IGSF22: variants seen among roughly 807,000 people sequenced by gnomAD.
IGSF22 encodes the protein immunoglobulin superfamily member 22, also known as immunoglobulin superfamily, member 22.
A neutral mutation model predicts 127.0 loss-of-function variants in IGSF22; 119 were observed. That is an observed-to-expected ratio of 0.94 (90% CI 0.81 to 1.09). The LOEUF (loss-of-function observed/expected upper bound fraction) is 1.09, where lower values mean the gene tolerates loss of function less well. IGSF22 is among the 50% of genes least tolerant of loss of function. IGSF22 has a pLI of 0.00. For missense variants in IGSF22, 1,518 were observed against 1,716.6 expected, an observed-to-expected ratio of 0.88 and a Z score of 2.04; for synonymous variants, 568 against 664.7, an observed-to-expected ratio of 0.85 and a Z score of 2.24.
At chr11:18,705,661 A>G in intron 22 of IGSF22, 156 bp downstream of exon 22, 1 of 639,694 alleles carries the variant, frequency 1.6e-6, no homozygotes, top group East Asian at 2.7e-5. Flanking sequence ...AAAGGATGGG[A>G]GAGTGGTAAG....
intron 10 of IGSF22, 42 bp from the exon 11 acceptor site, chr11:18,715,758 C>G (rs776136715): frequency 9.5e-6 from 15 of 1,572,940 alleles, no homozygotes; most frequent in Admixed American, 1.7e-5. Context: ...CAAACCACGA[C>G]ATCTTTTTTC....
intron 15 of IGSF22, 78 bp downstream of exon 15, chr11:18,712,004 G>T: frequency 8.2e-7 from 1 of 1,222,534 alleles, no homozygotes; most frequent in Non-Finnish European, 1.1e-6. Flanking sequence ...ATTCCCCACA[G>T]ATCAGTGTTC....
At chr11:18,721,427 C>T (rs2134168924) in intron 4 of IGSF22, 108 bp downstream of exon 4, 1 of 1,461,302 alleles carries the variant, frequency 6.8e-7, no homozygotes, top group Non-Finnish European at 9.5e-7. Context: ...CACTGCCCGG[C>T]TCTCGGGCCG....
intron 6 of IGSF22, 71 bp downstream of exon 6, chr11:18,719,993 G>C (rs745455453): frequency 1.8e-5 from 29 of 1,608,818 alleles, no homozygotes; most frequent in Non-Finnish European, 2.4e-5. Context: ...GGGCCTTGTT[G>C]AGAGGCCTTT....
In IGSF22 at chr11:18,718,854, C is replaced by A. The variant is rs1006047018; in HGVS notation, c.697-126G>T. On this transcript the variant is annotated intron_variant, in intron 7 of 22. Transcript: ENST00000513874. ...AATGACTAGGCTCATTAGATAACAACGTGCAGTGCTCCAGTGATCAACTGA... is the reference window on the plus strand; with the variant it reads ...AATGACTAGGCTCATTAGATAACAAAGTGCAGTGCTCCAGTGATCAACTGA... 5 of 658,584 alleles carry A rather than the reference C, an allele frequency of 7.6e-6. No individual in the cohort carries two copies. In the Admixed American group the frequency reaches 7.7e-5, roughly 10 times the overall value. 40.8% of individuals were successfully genotyped at this position (658,584 alleles called of 1,614,324 possible).
chr11:18,725,039 C>T (rs1256156879), intron 1 of IGSF22, among the ~76,000 whole-genome samples: 1 of 151,914 alleles, frequency 6.6e-6, no homozygotes, highest in East Asian at 1.9e-4. Context: ...CATAAGGTAG[C>T]CCATTATACA....
At chr11:18,717,102 G>A in intron 9 of IGSF22, 102 bp from the exon 10 acceptor site, 2 of 1,337,818 alleles carry the variant, frequency 1.5e-6, no homozygotes, top group Non-Finnish European at 1.0e-6. Context: ...GTAGCCCATG[G>A]CTGGGGGAAA....
Position 18,717,928 on chromosome 11 carries a change from T to TA in IGSF22, c.973+2dup, listed in dbSNP as rs758697493. 6.2e-7 allele frequency: 1 copy of TA among 1,612,952 alleles called. No individual in the cohort carries two copies. The highest frequency in any genetic ancestry group is 1.3e-5 in the African/African-American group (1 of 75,038). On this transcript the variant is annotated splice_region_variant and intron_variant, in intron 9 of 22. Coordinates refer to ENST00000513874, the MANE Select transcript of IGSF22 (RefSeq NM_173588.4). ...TTGTGCCCTTGCATGCCCCCACTCA[T>TA]ACCCAGCACTGTGAGCTCTGCACTC...
chr11:18,722,178 A>T (rs188095365), intron 2 of IGSF22, 137 bp from the exon 3 acceptor site: 1 of 987,754 alleles, frequency 1.0e-6, no homozygotes, highest in South Asian at 1.5e-5. Flanking sequence ...GACCAGCTAC[A>T]TGGGGAGAAA....
Position 18,706,956 on chromosome 11 carries a change from G to A in IGSF22, c.3538C>T (p.Pro1180Ser), listed in dbSNP as rs1848248015. ...AGCCAGGTGTCCCTGGAGTCAAGTG[G>A]CTCACTGTCACCGATTTCATTCCGA... ...VARNEIGDSE[P>S]LDSRDTWLIN... Residue 1180 changes from proline (P) to serine (S), a missense_variant, in exon 21 of 23, where the codon CCA becomes TCA. This residue lies in a region of IGSF22 where 1,456 missense variants were observed against 1,644.9 expected (regional missense o/e 0.89). Transcript: ENST00000513874. The A allele has an allele frequency of 1.3e-6, 2 of 1,533,500 alleles. No individual in the cohort carries two copies. The highest frequency in any genetic ancestry group is 1.4e-5 in the African/African-American group (1 of 72,904). 95.0% of individuals were successfully genotyped at this position (1,533,500 alleles called of 1,614,324 possible).
At chr11:18,717,825 A>C in intron 9 of IGSF22, 106 bp downstream of exon 9, 1 of 1,250,884 alleles carries the variant, frequency 8.0e-7, no homozygotes, top group Non-Finnish European at 1.1e-6. Context: ...TTTCTTGCAC[A>C]GTCCCATAGT....
chr11:18,717,662 T>A (rs1175543713), intron 9 of IGSF22, among the ~76,000 whole-genome samples: 2 of 152,128 alleles, frequency 1.3e-5, no homozygotes, highest in Admixed American at 1.3e-4. Context: ...CCTCCCAAAG[T>A]GCTGGGATTA....
intron 18 of IGSF22, 87 bp from the exon 19 acceptor site, chr11:18,708,382 C>T: frequency 9.7e-7 from 1 of 1,033,448 alleles, no homozygotes; most frequent in Non-Finnish European, 1.4e-6. Flanking sequence ...CCTTCCCAAC[C>T]TCTCCTCCTT....
At chr11:18,724,029 AGG>A in intron 2 of IGSF22, 97 bp downstream of exon 2, 1 of 844,480 alleles carries the variant, frequency 1.2e-6, no homozygotes, top group Non-Finnish European at 2.0e-6. Context: ...TGGGCTCCAG[AGG>A]GGCCCATTAG....
At chr11:18,713,701 CG>C (rs1238048284) in intron 14 of IGSF22, 150 bp downstream of exon 14, 2 of 648,998 alleles carry the variant, frequency 3.1e-6, no homozygotes, top group African/African-American at 1.8e-5. Context: ...AGTTAGGAAG[CG>C]GGCTTCTGGC....
In IGSF22 at chr11:18,709,696, A is replaced by G. The variant is rs1235250798; in HGVS notation, c.2702-13T>C. ...AGGCCTGGGGGTTCTGGGGTAGAAC[A>G]GACATGTAGTCAGCCCCTCCAACTC... On this transcript the variant is annotated splice_polypyrimidine_tract_variant and intron_variant, in intron 17 of 22. Transcript: ENST00000513874. This position sits in a 1 kb window ranked among gnomAD's most constrained non-coding sequence, Gnocchi z 4.8. The G allele has an allele frequency of 1.2e-6, 2 of 1,609,194 alleles. No individual in the cohort carries two copies. The highest frequency in any genetic ancestry group is 4.5e-5 in the East Asian group (2 of 44,744).
Position 18,719,704 on chromosome 11 carries a change from C to A in IGSF22, c.696+12G>T, listed in dbSNP as rs777245067. On this transcript the variant is annotated intron_variant, in intron 7 of 22. Transcript: ENST00000513874. ...CTAGCCTGCAGGCCCCTGCTCCCTG[C>A]AGGGTACTTACCTCCACCTCTACTT... 3 of 1,613,344 alleles carry A rather than the reference C, an allele frequency of 1.9e-6. No individual in the cohort carries two copies. The Admixed American group carries it at 5.0e-5, about 27-fold the overall frequency.
chr11:18,706,075 G>A lies in IGSF22; in HGVS notation c.3652C>T (p.Pro1218Ser). 6.5e-7 allele frequency: 1 copy of A among 1,550,042 alleles called. No individual in the cohort carries two copies. Among genetic ancestry groups the A allele is most frequent in the Non-Finnish European group, 8.7e-7 (1 of 1,146,896 alleles). The change falls in exon 22 of 23, where the codon CCC (proline) becomes TCC (serine). Residue 1218 changes from proline (P) to serine (S), a missense_variant. This residue lies in a region of IGSF22 where 1,456 missense variants were observed against 1,644.9 expected (regional missense o/e 0.89). Coordinates refer to ENST00000513874, the MANE Select transcript of IGSF22 (RefSeq NM_173588.4). ...CGGAGCACCGTGTGTGGCTTGAGGG[G>A]CGTCACGAAGCGCGGCGCGTGGCGC... is the stretch of plus-strand genomic sequence containing the variant. ...DWRHAPRFVTPLKPHTVLRGQ... is the reference protein window; with the variant it reads ...DWRHAPRFVTSLKPHTVLRGQ...
In IGSF22 at chr11:18,706,072, G is replaced by C. The variant is rs1309419388; in HGVS notation, c.3655C>G (p.Leu1219Val). The change falls in exon 22 of 23, where the codon CTC (leucine) becomes GTC (valine). Residue 1219 changes from leucine (L) to valine (V), a missense_variant. Physicochemically the swap from Leu to Val is conservative, Grantham distance 32 (BLOSUM62 1). Coordinates refer to ENST00000513874, the MANE Select transcript of IGSF22 (RefSeq NM_173588.4). The stretch of plus-strand genomic sequence containing the variant: ...CCGCGGAGCACCGTGTGTGGCTTGA[G>C]GGGCGTCACGAAGCGCGGCGCGTGG... ...WRHAPRFVTP[L>V]KPHTVLRGQD... 3 of 1,550,300 alleles carry C rather than the reference G, an allele frequency of 1.9e-6. No individual in the cohort carries two copies. Among genetic ancestry groups the C allele is most frequent in the Non-Finnish European group, 2.6e-6 (3 of 1,146,916 alleles).
Sources: gnomAD v4.1 joint callset for allele counts (sites outside exome capture counted in the v4.1 genomes callset) on GRCh38, gnomAD v4.1.1 for gene constraint, gnomAD v4.1.1 regional missense constraint, Gnocchi (gnomAD v3.1) non-coding constraint, MANE v1.5 for transcripts, NCBI Gene and HGNC (gene_info 2026-07-23, HGNC 2026-07-21) for gene names.